FARP1: variants seen among roughly 807,000 people sequenced by gnomAD.
FARP1 encodes FERM, ARHGEF and pleckstrin domain-containing protein 1.
Under a neutral mutation model 128.8 loss-of-function variants are expected in FARP1, and 52 were observed. The observed-to-expected ratio is 0.40, with a 90% CI of 0.32 to 0.51. The LOEUF (loss-of-function observed/expected upper bound fraction) is 0.51, where lower values mean the gene tolerates loss of function less well. Among genes scored for constraint, FARP1 ranks in the 20% least tolerant of loss-of-function variants. The pLI is 0.45. For synonymous variants in FARP1, 580 were observed against 551.8 expected (o/e 1.05, Z -0.72); for missense variants, 1,333 against 1,367.9 (o/e 0.97, Z 0.40).
chr13:98,215,797 C>CT (rs112489424), intron 2 of FARP1, among the ~76,000 whole-genome samples: 2,227 of 145,600 alleles, frequency 0.015, 62 homozygotes, highest in African/African-American at 0.05. Flanking sequence ...TTCTTTTTCT[C>CT]TTTTTTTTTT....
intron 5 of FARP1, among the ~76,000 whole-genome samples, 164 bp from the exon 6 acceptor site, chr13:98,377,657 G>A (rs9582221): frequency 0.028 from 4,306 of 152,204 alleles, 210 homozygotes; most frequent in African/African-American, 0.099. Context: ...TATTTTGGAG[G>A]GAGATATTTA....
chr13:98,426,720 C>T (rs1891803831), intron 17 of FARP1, among the ~76,000 whole-genome samples: 2 of 151,842 alleles, frequency 1.3e-5, no homozygotes, highest in African/African-American at 2.4e-5. Context: ...AGAGAGAGGC[C>T]GTGGAAGTGA....
rs779555114 is a variant in FARP1 at position 98,431,044 on chromosome 13, A to G, written c.1907A>G (p.His636Arg). Residue 636 changes from histidine (H) to arginine (R), a missense_variant and splice_region_variant, in exon 18 of 27, where the codon CAC becomes CGC. His to Arg is a conservative substitution (Grantham distance 29). Around this residue, in one of 2 missense-constraint regions of FARP1, gnomAD observed 1,009 missense variants for 969.8 expected, o/e 1.04. Coordinates refer to ENST00000319562, the MANE Select transcript of FARP1 (RefSeq NM_005766.4). ...CCTCCTCCTCTGTTGCCTCCCAAGC[A>G]CCTGGCGGCTCACCTGTGGAAGCAC... is the stretch of plus-strand genomic sequence containing the variant. ...VMLKNIQGMKHLAAHLWKHSE... is the reference protein window; with the variant it reads ...VMLKNIQGMKRLAAHLWKHSE... 2 of 1,610,944 alleles carry G rather than the reference A, an allele frequency of 1.2e-6. No individual in the cohort carries two copies. Among genetic ancestry groups the G allele is most frequent in the East Asian group, 2.2e-5 (1 of 44,860 alleles).
Position 98,175,936 on chromosome 13 carries a change from C to T in FARP1, c.-24+32444C>T, listed in dbSNP as rs1414561776. On this transcript the variant is annotated intron_variant, in intron 1 of 26. Coordinates refer to ENST00000319562, the MANE Select transcript of FARP1 (RefSeq NM_005766.4). ...AGCATTCCATTGTGTGTGTGTATCG[C>T]ATTTTGTTTGTCCATTCATCCATCC... 3 of 563,106 alleles carry T rather than the reference C, an allele frequency of 5.3e-6. No homozygotes were observed. In the East Asian group the frequency reaches 8.8e-5, roughly 16 times the overall value. 34.9% of individuals were successfully genotyped at this position (563,106 alleles called of 1,614,324 possible). A position where few individuals can be genotyped will look rare whatever the true frequency, so the allele number is the denominator to read the frequency against.
At chr13:98,282,072 A>G (rs1440106219) in intron 2 of FARP1, among the ~76,000 whole-genome samples, 1 of 152,152 alleles carries the variant, frequency 6.6e-6, no homozygotes, top group East Asian at 1.9e-4. Flanking sequence ...TGGGAGGCCT[A>G]GGTGGGCGGA....
intron 2 of FARP1, among the ~76,000 whole-genome samples, chr13:98,288,389 G>A (rs545019509): frequency 9.2e-5 from 14 of 152,220 alleles, no homozygotes; most frequent in South Asian, 4.1e-4. Context: ...CCACGCTCCC[G>A]CCCCATGTCT....
intron 2 of FARP1, among the ~76,000 whole-genome samples, chr13:98,325,810 TGA>T (rs1383248049): frequency 6.6e-6 from 1 of 152,252 alleles, no homozygotes; most frequent in East Asian, 1.9e-4. Context: ...AGCATGCTGG[TGA>T]GAGTTATATC....
At chr13:98,304,004 C>T (rs1466722766) in intron 2 of FARP1, among the ~76,000 whole-genome samples, 2 of 152,134 alleles carry the variant, frequency 1.3e-5, no homozygotes, top group African/African-American at 4.8e-5. Flanking sequence ...CTCCTTTTTC[C>T]CTGGTGTGTA....
chr13:98,200,221 CCCTCT>C (rs1879842481), intron 1 of FARP1, among the ~76,000 whole-genome samples: 1 of 152,186 alleles, frequency 6.6e-6, no homozygotes, highest in Non-Finnish European at 1.5e-5. Flanking sequence ...GGCAGAGTGT[CCCTCT>C]TTTCTTGGGG....
At chr13:98,165,679 TAAAAA>T (rs140355132) in intron 1 of FARP1, among the ~76,000 whole-genome samples, 1 of 113,602 alleles carries the variant, frequency 8.8e-6, no homozygotes, top group Non-Finnish European at 1.7e-5. Flanking sequence ...CTCTCATCAT[TAAAAA>T]AAAAAAAAAA....
intron 3 of FARP1, among the ~76,000 whole-genome samples, chr13:98,353,375 G>T (rs1490985944): frequency 6.6e-6 from 1 of 152,084 alleles, no homozygotes; most frequent in African/African-American, 2.4e-5. Context: ...GCTTTGTGCA[G>T]TATTATTATT....
chr13:98,182,095 G>A (rs1878573334), intron 1 of FARP1, among the ~76,000 whole-genome samples: 1 of 151,590 alleles, frequency 6.6e-6, no homozygotes, highest in Non-Finnish European at 1.5e-5. Context: ...AAATAGAACT[G>A]ACCTATGCTC....
intron 1 of FARP1, among the ~76,000 whole-genome samples, chr13:98,157,328 C>T (rs1384109181): frequency 1.3e-5 from 2 of 152,042 alleles, no homozygotes; most frequent in East Asian, 3.9e-4. Flanking sequence ...ATCAGTCCCC[C>T]TCCCCCATGC....
intron 2 of FARP1, among the ~76,000 whole-genome samples, chr13:98,313,937 C>T (rs1233428556): frequency 1.3e-5 from 2 of 152,210 alleles, no homozygotes; most frequent in Non-Finnish European, 2.9e-5. Flanking sequence ...ATCATCTAAA[C>T]AAAGACTGGG....
chr13:98,448,191 T>C, intron 26 of FARP1, 45 bp from the exon 27 acceptor site: 1 of 1,517,132 alleles, frequency 6.6e-7, no homozygotes, highest in Non-Finnish European at 9.2e-7. Context: ...GTGTCAGGAG[T>C]CCGTCCAAAC....
intron 24 of FARP1, chr13:98,445,373 AGAG>A (rs1218859149): frequency 6.6e-6 from 1 of 152,238 alleles, no homozygotes; most frequent in Non-Finnish European, 1.5e-5. Context: ...AGGCCTGCTC[AGAG>A]TTGTTTGGAG....
chr13:98,440,525 G>T, intron 23 of FARP1, 145 bp from the exon 24 acceptor site: 1 of 748,866 alleles, frequency 1.3e-6, no homozygotes, highest in Non-Finnish European at 2.1e-6. Flanking sequence ...GAGCTGCAGG[G>T]TCCATCGAGG....
At chr13:98,433,346 T>A (rs1892122812) in intron 18 of FARP1, 1 of 152,202 alleles carries the variant, frequency 6.6e-6, no homozygotes, top group South Asian at 2.1e-4. Flanking sequence ...GGTAGAAGAC[T>A]TGGCAAAGTA....
intron 24 of FARP1, among the ~76,000 whole-genome samples, chr13:98,441,050 A>C (rs1160775974): frequency 6.6e-6 from 1 of 152,192 alleles, no homozygotes; most frequent in Non-Finnish European, 1.5e-5. Flanking sequence ...CCGACCTCCC[A>C]CAAATGCAGT....
Sources: allele counts gnomAD v4.1 joint callset (sites outside exome capture counted in the v4.1 genomes callset), GRCh38; gene constraint gnomAD v4.1.1; regional missense constraint gnomAD v4.1.1; transcripts MANE v1.5; gene names NCBI Gene and HGNC (gene_info 2026-07-23, HGNC 2026-07-21).